The following DLGAP1 variants were observed in gnomAD, a reference collection of about 807,000 sequenced individuals.
The protein encoded by DLGAP1 is disks large-associated protein 1.
In DLGAP1, 11 loss-of-function variants were observed where a neutral mutation model predicts 90.8. The observed-to-expected ratio is 0.12, with a 90% CI of 0.08 to 0.20. DLGAP1 has a LOEUF of 0.20. Among genes scored for constraint, DLGAP1 ranks in the 10% least tolerant of loss-of-function variants. The pLI is 1.00. For synonymous variants in DLGAP1, 558 were observed against 540.7 expected (o/e 1.03, Z -0.44); for missense variants, 1,050 against 1,333.8 (o/e 0.79, Z 3.31).
At chr18:3,550,808 C>A (rs962680135) in intron 9 of DLGAP1, among the ~76,000 whole-genome samples, 1 of 130,476 alleles carries the variant, frequency 7.7e-6, no homozygotes, top group Non-Finnish European at 1.5e-5. Context: ...GTGGCTCAAT[C>A]TCAGCTCACT....
At chr18:3,635,339 TG>T (rs201052211) in intron 7 of DLGAP1, among the ~76,000 whole-genome samples, 17,405 of 151,764 alleles carry the variant, frequency 0.11, 1,174 homozygotes, top group Non-Finnish European at 0.12. Flanking sequence ...GGTTTCACCT[TG>T]TTAGCCAGGA....
intron 1 of DLGAP1, among the ~76,000 whole-genome samples, chr18:4,202,572 A>T (rs983115519): frequency 2.0e-5 from 3 of 152,218 alleles, no homozygotes; most frequent in Non-Finnish European, 4.4e-5. Context: ...AAACCAACAC[A>T]TTATGGCAAG....
At chr18:3,688,971 C>CA (rs1391929720) in intron 7 of DLGAP1, among the ~76,000 whole-genome samples, 1 of 152,160 alleles carries the variant, frequency 6.6e-6, no homozygotes, top group Non-Finnish European at 1.5e-5. Flanking sequence ...CATTCACACT[C>CA]AGTTTACCTT....
intron 7 of DLGAP1, among the ~76,000 whole-genome samples, chr18:3,585,139 C>T (rs1481561365): frequency 2.6e-5 from 4 of 152,198 alleles, no homozygotes; most frequent in Non-Finnish European, 4.4e-5. Context: ...GGAAATACGA[C>T]TCAGGGAAAA....
chr18:4,042,743 A>ATAAAATAAAATAAAATAG (rs1183530490), intron 2 of DLGAP1, among the ~76,000 whole-genome samples: 2 of 152,198 alleles, frequency 1.3e-5, no homozygotes, highest in African/African-American at 4.8e-5. Context: ...TTGTCTCAAA[A>ATAAAATAAAATAAAATAG]TAAAATAAAA....
At chr18:4,373,716 T>C (rs1186566121) in intron 1 of DLGAP1, among the ~76,000 whole-genome samples, 1 of 152,206 alleles carries the variant, frequency 6.6e-6, no homozygotes, top group Non-Finnish European at 1.5e-5. Context: ...GAGTATTTAT[T>C]AGCCCTTATT....
chr18:3,542,161 G>T (rs1190566331), intron 9 of DLGAP1, among the ~76,000 whole-genome samples: 1 of 152,154 alleles, frequency 6.6e-6, no homozygotes, highest in African/African-American at 2.4e-5. Flanking sequence ...AGAGAAGGAG[G>T]TTGCTCCACC....
intron 9 of DLGAP1, among the ~76,000 whole-genome samples, chr18:3,553,002 A>C (rs2053562656): frequency 1.3e-5 from 2 of 150,950 alleles, no homozygotes; most frequent in South Asian, 4.2e-4. Context: ...CCTCCTTGGG[A>C]GTTAATGCCA....
intron 1 of DLGAP1, among the ~76,000 whole-genome samples, chr18:4,187,613 G>A (rs2077320801): frequency 6.6e-6 from 1 of 152,078 alleles, no homozygotes; most frequent in Admixed American, 6.6e-5. Flanking sequence ...TTTCTGTATT[G>A]TTGCTGTGAG....
intron 1 of DLGAP1, among the ~76,000 whole-genome samples, chr18:4,254,249 G>C (rs577784069): frequency 6.6e-6 from 1 of 152,290 alleles, no homozygotes; most frequent in East Asian, 1.9e-4. Flanking sequence ...TTTGTATAGA[G>C]AGCTGCTTCT....
chr18:3,894,312 C>G (rs1312689862), intron 3 of DLGAP1, among the ~76,000 whole-genome samples: 1 of 152,044 alleles, frequency 6.6e-6, no homozygotes, highest in Non-Finnish European at 1.5e-5. Context: ...AGAAGTTTTT[C>G]TTAGATTTTC....
At chr18:3,857,891 C>G (rs539315884) in intron 4 of DLGAP1, among the ~76,000 whole-genome samples, 1 of 152,174 alleles carries the variant, frequency 6.6e-6, no homozygotes, top group African/African-American at 2.4e-5. Flanking sequence ...TCATCCACCC[C>G]ACTCAATTCT....
chr18:4,202,879 T>C (rs138753744), intron 1 of DLGAP1, among the ~76,000 whole-genome samples: 4 of 152,350 alleles, frequency 2.6e-5, no homozygotes, highest in East Asian at 1.9e-4. Context: ...TAAATATCTT[T>C]TGACAGTAAA....
chr18:3,895,319 A>ACATCAT (rs548203011), intron 3 of DLGAP1, among the ~76,000 whole-genome samples: 1 of 148,360 alleles, frequency 6.7e-6, no homozygotes, highest in Non-Finnish European at 1.5e-5. Flanking sequence ...ACACACACAC[A>ACATCAT]CATCATCATC....
At chr18:3,685,555 T>G in intron 7 of DLGAP1, among the ~76,000 whole-genome samples, 1 of 109,396 alleles carries the variant, frequency 9.1e-6, no homozygotes. Flanking sequence ...CAGAGCGAGA[T>G]TCCGTCTCAA....
At chr18:4,164,822 C>G (rs186602491) in intron 1 of DLGAP1, among the ~76,000 whole-genome samples, 76 of 152,004 alleles carry the variant, frequency 5.0e-4, no homozygotes, top group Admixed American at 2.2e-3. Context: ...AAGTCTAGAA[C>G]TAAAAAATAG....
intron 11 of DLGAP1, among the ~76,000 whole-genome samples, chr18:3,505,875 T>C (rs1222047571): frequency 2.6e-5 from 4 of 152,126 alleles, no homozygotes; most frequent in African/African-American, 9.7e-5. Flanking sequence ...GGCCAAGGAA[T>C]GTGAGCCCAT....
intron 3 of DLGAP1, among the ~76,000 whole-genome samples, chr18:3,929,579 A>C (rs1468475947): frequency 6.6e-6 from 1 of 152,164 alleles, no homozygotes. Flanking sequence ...ACTATGCGTT[A>C]CTCTGGGGCC....
In DLGAP1 at chr18:3,534,567, G is replaced by C. The variant is rs373443663; in HGVS notation, c.2106C>G (p.Ala702=). Residue 702 remains alanine (A), a synonymous_variant, in exon 10 of 13, where the codon GCC becomes GCG. Transcript: ENST00000315677. ...CCAGATTATCATGGAAGTCCAGGTC[G>C]GCCTGTACTGCTGTCGTCACACTGT... is the stretch of plus-strand genomic sequence containing the variant. The part of the protein sequence containing the change: ...RSNSVTTAVQ[A]DLDFHDNLEN... 1.2e-6 allele frequency: 2 copies of C among 1,611,776 alleles called. No individual in the cohort carries two copies. The highest frequency in any genetic ancestry group is 2.7e-5 in the African/African-American group (2 of 74,898).
Sources: allele counts gnomAD v4.1 joint callset (sites outside exome capture counted in the v4.1 genomes callset), GRCh38; gene constraint gnomAD v4.1.1; transcripts MANE v1.5; gene names NCBI Gene and HGNC (gene_info 2026-07-23, HGNC 2026-07-21).